Variants in WDFY3 observed in about 807,000 individuals in gnomAD.
WDFY3 encodes WD repeat and FYVE domain-containing protein 3.
A neutral mutation model predicts 409.6 loss-of-function variants in WDFY3; 66 were observed. The observed-to-expected ratio is 0.16, with a 90% CI of 0.13 to 0.20. The LOEUF (loss-of-function observed/expected upper bound fraction) is 0.20, where lower values mean the gene tolerates loss of function less well. Ranked by LOEUF, WDFY3 falls within the 10% of genes least tolerant of loss-of-function variation. The pLI is 1.00. For missense variants in WDFY3, 3,031 were observed against 4,298.1 expected, an observed-to-expected ratio of 0.71 and a Z score of 8.24; for synonymous variants, 1,521 against 1,537.1, an observed-to-expected ratio of 0.99 and a Z score of 0.25.
intron 2 of WDFY3, among the ~76,000 whole-genome samples, chr4:84,921,410 C>T (rs980769009): frequency 6.6e-6 from 1 of 151,886 alleles, no homozygotes; most frequent in Admixed American, 6.6e-5. Context: ...AAGAAGAAAA[C>T]TCTATTAGTA....
At chr4:84,787,439 T>A (rs771795263) in intron 23 of WDFY3, 43 bp downstream of exon 23, 4 of 1,575,224 alleles carry the variant, frequency 2.5e-6, no homozygotes. Flanking sequence ...ATTGCAGGAG[T>A]TAAGTTTCAT....
intron 5 of WDFY3, among the ~76,000 whole-genome samples, 200 bp from the exon 6 acceptor site, chr4:84,841,463 C>G (rs1054292588): frequency 6.6e-6 from 1 of 152,086 alleles, no homozygotes; most frequent in African/African-American, 2.4e-5. Flanking sequence ...ATGTAAAAGC[C>G]AACCTATATA....
At position 84,764,277 on chromosome 4, in the gene WDFY3, T is replaced by C. The variant is rs562144645; in HGVS notation, c.5188+1533A>G. On this transcript the variant is annotated intron_variant, in intron 32 of 67. Transcript: ENST00000295888. Reference sequence around the variant, plus strand: ...GTGCCTTTCGTTATTTATTCTCCAGTAGGTATTATTAAGGCCAATAAACGA... The same window carrying C: ...GTGCCTTTCGTTATTTATTCTCCAGCAGGTATTATTAAGGCCAATAAACGA... 8.5e-5 allele frequency among the ~76,000 whole-genome samples: 13 copies of C among 152,320 alleles called. No individual in the cohort carries two copies. In the South Asian group the frequency reaches 1.9e-3, roughly 22 times the overall value.
chr4:84,911,665 TACAG>T (rs1457504092), intron 2 of WDFY3, among the ~76,000 whole-genome samples: 8 of 152,274 alleles, frequency 5.3e-5, no homozygotes, highest in African/African-American at 1.9e-4. Context: ...TGAAAAATCT[TACAG>T]ACAAACTTCA....
At chr4:84,721,360 AAT>A (rs746479977) in intron 47 of WDFY3, 47 bp downstream of exon 47, 72 of 1,598,728 alleles carry the variant, frequency 4.5e-5, no homozygotes, top group Non-Finnish European at 6.0e-5. Flanking sequence ...TTGTCTTAAT[AAT>A]ATGTTACTGA....
chr4:84,910,507 C>T (rs1767614670), intron 2 of WDFY3, among the ~76,000 whole-genome samples: 1 of 151,744 alleles, frequency 6.6e-6, no homozygotes, highest in African/African-American at 2.4e-5. Flanking sequence ...CAGGAAAAAA[C>T]TCTCACATAT....
chr4:84,862,260 A>G (rs985387300), intron 3 of WDFY3, among the ~76,000 whole-genome samples: 1 of 152,018 alleles, frequency 6.6e-6, no homozygotes, highest in Non-Finnish European at 1.5e-5. Flanking sequence ...TCTGCCTAGA[A>G]CTCTGCCAAT....
intron 13 of WDFY3, 82 bp from the exon 14 acceptor site, chr4:84,810,426 T>C (rs1752307351): frequency 1.3e-5 from 15 of 1,149,944 alleles, no homozygotes; most frequent in Non-Finnish European, 1.8e-5. Flanking sequence ...TATATGGAGG[T>C]TGTACATTCT....
rs533866752 is a variant in WDFY3, at chr4:84,897,725, G to A, written c.-131-715C>T. Among the ~76,000 whole-genome samples, 10 of 152,236 alleles carry A rather than the reference G, an allele frequency of 6.6e-5. No homozygotes were observed. In the East Asian group the frequency reaches 1.3e-3, roughly 21 times the overall value. ...TGTTCCTAACGCAGGACAAAGTGAC[G>A]CTGGAGAGCCCACAACACAGGACTC... On this transcript the variant is annotated intron_variant, in intron 2 of 67. Coordinates refer to ENST00000295888, the MANE Select transcript of WDFY3 (RefSeq NM_014991.6).
At chr4:84,770,177 C>G (rs972979695) in intron 30 of WDFY3, among the ~76,000 whole-genome samples, 12 of 151,918 alleles carry the variant, frequency 7.9e-5, no homozygotes, top group Admixed American at 3.3e-4. Context: ...CACAGGCGCC[C>G]ACCACCACGC....
chr4:84,956,677 C>T (rs1774276977), intron 1 of WDFY3, among the ~76,000 whole-genome samples: 2 of 152,146 alleles, frequency 1.3e-5, no homozygotes, highest in African/African-American at 4.8e-5. Flanking sequence ...ACAAAGTTCC[C>T]AATCTAAGCT....
At chr4:84,741,324 T>G (rs1163030731) in intron 38 of WDFY3, among the ~76,000 whole-genome samples, 1 of 151,978 alleles carries the variant, frequency 6.6e-6, no homozygotes, top group Non-Finnish European at 1.5e-5. Context: ...CAGTTTTTTT[T>G]TTTTTTTTGA....
intron 53 of WDFY3, 68 bp from the exon 54 acceptor site, chr4:84,705,579 GT>G: frequency 1.6e-6 from 2 of 1,219,880 alleles, no homozygotes; most frequent in South Asian, 1.3e-5. Flanking sequence ...CGTAGATACA[GT>G]GGCTGTTGTG....
At chr4:84,867,993 A>G (rs2150282559) in intron 3 of WDFY3, among the ~76,000 whole-genome samples, 1 of 151,914 alleles carries the variant, frequency 6.6e-6, no homozygotes, top group East Asian at 1.9e-4. Context: ...ACATGGTGAA[A>G]CCCTGTCTCT....
At chr4:84,782,878 A>T in intron 25 of WDFY3, 85 bp downstream of exon 25, 1 of 1,219,522 alleles carries the variant, frequency 8.2e-7, no homozygotes, top group Non-Finnish European at 1.2e-6. Context: ...ATATGAACTT[A>T]AATACTGCCC....
At chr4:84,735,219 C>A in intron 42 of WDFY3, 99 bp from the exon 43 acceptor site, 1 of 1,121,810 alleles carries the variant, frequency 8.9e-7, no homozygotes. Context: ...GGTTAAAATT[C>A]TGCCAAAAGC....
intron 1 of WDFY3, among the ~76,000 whole-genome samples, chr4:84,963,315 T>G (rs1355425577): frequency 6.6e-6 from 1 of 151,684 alleles, no homozygotes; most frequent in Non-Finnish European, 1.5e-5. Context: ...TCCCAGCTAC[T>G]TGGGTGGCTG....
At chr4:84,892,438 T>A (rs1261421443) in intron 3 of WDFY3, among the ~76,000 whole-genome samples, 1 of 152,170 alleles carries the variant, frequency 6.6e-6, no homozygotes, top group Non-Finnish European at 1.5e-5. Context: ...AAATACTTTT[T>A]AAAAAGTAAC....
In WDFY3 at chr4:84,841,251, C is replaced by G; in HGVS notation, c.317G>C (p.Arg106Pro). Residue 106 changes from arginine to proline, a missense_variant, in exon 6 of 68, where the codon CGG (arginine) becomes CCG (proline). Arg to Pro is a moderately radical substitution (Grantham distance 103). Around this residue, in one of 16 missense-constraint regions of WDFY3, gnomAD observed 1,322 missense variants for 1,697.9 expected, o/e 0.78. Transcript: ENST00000295888. ...AATCTCTAGGAACTGAACTATGGCC[C>G]GACTTGCAGCCTCTATAAAACCAAA... ...ASNKSTEAAS[R>P]AIVQFLEINQ... 1 of 1,612,186 alleles carries G rather than the reference C, an allele frequency of 6.2e-7. No individual in the cohort carries two copies. Among genetic ancestry groups the G allele is most frequent in the Non-Finnish European group, 8.5e-7 (1 of 1,179,658 alleles).
Sources: gnomAD v4.1 joint callset for allele counts (sites outside exome capture counted in the v4.1 genomes callset) on GRCh38, gnomAD v4.1.1 for gene constraint, gnomAD v4.1.1 regional missense constraint, MANE v1.5 for transcripts, NCBI Gene and HGNC (gene_info 2026-07-23, HGNC 2026-07-21) for gene names.